Variants in PYHIN1 observed in about 807,000 individuals in gnomAD.
PYHIN1 encodes the protein pyrin and HIN domain family member 1, also known as pyrin and HIN domain-containing protein 1.
In PYHIN1, 32 loss-of-function variants were observed where a neutral mutation model predicts 43.7. The observed-to-expected ratio is 0.73, with a 90% CI of 0.55 to 0.98. PYHIN1 has a LOEUF of 0.98. Ranked by LOEUF, PYHIN1 falls within the 50% of genes least tolerant of loss-of-function variation. The probability of loss-of-function intolerance (pLI) is 0.00; values close to 1 mark genes in which losing one functional copy is unlikely to be tolerated. For missense variants in PYHIN1, 588 were observed against 589.5 expected, an observed-to-expected ratio of 1.00 and a Z score of 0.03; for synonymous variants, 205 against 203.1, an observed-to-expected ratio of 1.01 and a Z score of -0.08.
At chr1:158,940,291 T>A (rs1648836257) in intron 4 of PYHIN1, 1 of 147,960 alleles carries the variant, frequency 6.8e-6, no homozygotes, top group Admixed American at 6.7e-5. Flanking sequence ...CCACTACAGC[T>A]AAGCAAATGA....
At chr1:158,989,649 G>A in the PYHIN1 span, among the ~76,000 whole-genome samples, 1 of 152,126 alleles carries the variant, frequency 6.6e-6, no homozygotes, top group African/African-American at 2.4e-5. Context: ...ACCACCAAAA[G>A]CTAGGGAAGA....
intron 5 of PYHIN1, among the ~76,000 whole-genome samples, chr1:158,943,414 G>C (rs1649042358): frequency 6.6e-6 from 1 of 152,178 alleles, no homozygotes; most frequent in Admixed American, 6.5e-5. Flanking sequence ...CATAGTGAAT[G>C]ATGAGTTGTG....
intron 1 of PYHIN1, among the ~76,000 whole-genome samples, chr1:158,936,215 C>T (rs1019362651): frequency 4.6e-5 from 5 of 108,056 alleles, no homozygotes; most frequent in Non-Finnish European, 9.1e-5. Context: ...CCCCCCTCCC[C>T]CCACCCCACA....
chr1:158,936,330 G>A (rs113460160), intron 1 of PYHIN1, among the ~76,000 whole-genome samples: 3,557 of 150,098 alleles, frequency 0.024, 133 homozygotes, highest in African/African-American at 0.081. Context: ...TTGTCCTTGC[G>A]ATAGTTTGCT....
intron 7 of PYHIN1, among the ~76,000 whole-genome samples, chr1:158,956,995 T>C (rs1272882296): frequency 6.9e-5 from 10 of 145,726 alleles, no homozygotes; most frequent in South Asian, 2.3e-4. Context: ...GAGTGAACTC[T>C]CATTCACAAT....
At chr1:158,987,057 C>A in the PYHIN1 span, among the ~76,000 whole-genome samples, 1 of 152,184 alleles carries the variant, frequency 6.6e-6, no homozygotes, top group Non-Finnish European at 1.5e-5. Flanking sequence ...TTCTCAACAT[C>A]CTTACCAACA....
At chr1:158,953,652 A>T (rs1382032109) in intron 7 of PYHIN1, among the ~76,000 whole-genome samples, 2 of 152,194 alleles carry the variant, frequency 1.3e-5, no homozygotes, top group East Asian at 3.9e-4. Flanking sequence ...AGATGGGGAA[A>T]AAACAGAACA....
chr1:158,963,296 G>A (rs540721201), intron 7 of PYHIN1, among the ~76,000 whole-genome samples: 4 of 152,096 alleles, frequency 2.6e-5, no homozygotes, highest in South Asian at 2.1e-4. Context: ...TCACCAAACC[G>A]GGACCCTCTG....
At chr1:158,952,851 T>C (rs1649642286) in intron 7 of PYHIN1, among the ~76,000 whole-genome samples, 1 of 152,186 alleles carries the variant, frequency 6.6e-6, no homozygotes, top group South Asian at 2.1e-4. Flanking sequence ...ACCGAGTTCA[T>C]CTCACTAGGG....
intron 6 of PYHIN1, among the ~76,000 whole-genome samples, chr1:158,944,499 T>C (rs981795972): frequency 6.6e-6 from 1 of 152,150 alleles, no homozygotes; most frequent in African/African-American, 2.4e-5. Flanking sequence ...AAATGTTGCA[T>C]ACAAACATTA....
chr1:158,947,311 G>C (rs1418980020), intron 7 of PYHIN1, among the ~76,000 whole-genome samples: 2 of 152,102 alleles, frequency 1.3e-5, no homozygotes, highest in African/African-American at 4.8e-5. Flanking sequence ...AGATTGTGGG[G>C]ATATAGCCAG....
chr1:158,975,057 C>A (rs1629682), intron 8 of PYHIN1, among the ~76,000 whole-genome samples: 139,396 of 151,946 alleles, frequency 0.92, 65,162 homozygotes, highest in East Asian at 1. Flanking sequence ...TCCCTTAGCC[C>A]AGGAATCTCA....
At chr1:158,974,925 C>T (rs1651165113) in intron 8 of PYHIN1, among the ~76,000 whole-genome samples, 1 of 152,134 alleles carries the variant, frequency 6.6e-6, no homozygotes, top group South Asian at 2.1e-4. Flanking sequence ...TGGAAAAGAA[C>T]TTATTTTTCC....
At chr1:158,970,724 C>CAA (rs1650885794) in intron 7 of PYHIN1, among the ~76,000 whole-genome samples, 2 of 151,448 alleles carry the variant, frequency 1.3e-5, no homozygotes, top group East Asian at 1.9e-4. Context: ...ATAGAGCAAA[C>CAA]ACACAAACAC....
rs767179319 is a variant in PYHIN1, at chr1:158,942,287, C to T, written c.890C>T (p.Thr297Met). Residue 297 changes from threonine to methionine, a missense_variant, in exon 5 of 9, where the codon ACG (threonine) becomes ATG (methionine). Thr to Met is a moderately conservative substitution (Grantham distance 81). Coordinates refer to ENST00000368140, the MANE Select transcript of PYHIN1 (RefSeq NM_152501.5). ...SSVSEAGPDQ[T>M]FEVPKDIIRR... is the part of the protein sequence containing the mutation. ...GTATCTGAAGCTGGTCCTGACCAAA[C>T]GTTTGAGGTTCCAAAGGACATCATC... 14 of 1,614,018 alleles carry T rather than the reference C, an allele frequency of 8.7e-6. No individual in the cohort carries two copies. Among genetic ancestry groups the T allele is most frequent in the Admixed American group, 3.3e-5 (2 of 60,006 alleles).
intron 7 of PYHIN1, among the ~76,000 whole-genome samples, chr1:158,958,150 T>C (rs1650075598): frequency 6.6e-6 from 1 of 151,126 alleles, no homozygotes; most frequent in African/African-American, 2.4e-5. Context: ...ACTTTTACAC[T>C]GTTGGTGGGA....
the PYHIN1 span, among the ~76,000 whole-genome samples, chr1:158,988,184 T>C: frequency 3.3e-5 from 5 of 152,188 alleles, no homozygotes; most frequent in Non-Finnish European, 7.3e-5. Context: ...TGGTATTTTC[T>C]TTTAGAGGCC....
At chr1:158,970,267 GT>G (rs1481802820) in intron 7 of PYHIN1, among the ~76,000 whole-genome samples, 2 of 151,962 alleles carry the variant, frequency 1.3e-5, no homozygotes, top group Admixed American at 1.3e-4. Flanking sequence ...TAATGAAAAT[GT>G]TTTTGTTTAT....
Position 158,938,426 on chromosome 1 carries a change from A to G in PYHIN1, c.295A>G (p.Lys99Glu). Residue 99 changes from lysine (K) to glutamate (E), a missense_variant, in exon 3 of 9, where the codon AAA (lysine) becomes GAA (glutamate). Transcript: ENST00000368140. Reference protein sequence around the residue: ...VANKIESIPVKGIIPSKKTKQ... With the variant: ...VANKIESIPVEGIIPSKKTKQ... The stretch of plus-strand genomic sequence containing the variant: ...AAATAAAATTGAATCCATTCCAGTC[A>G]AAGGAATAATCCCATCTAAAAAGAC... 1 of 1,614,224 alleles carries G rather than the reference A, an allele frequency of 6.2e-7. No individual in the cohort carries two copies. The highest frequency in any genetic ancestry group is 8.5e-7 in the Non-Finnish European group (1 of 1,180,024).
Sources: allele counts gnomAD v4.1 joint callset (sites outside exome capture counted in the v4.1 genomes callset), GRCh38; gene constraint gnomAD v4.1.1; transcripts MANE v1.5; gene names NCBI Gene and HGNC (gene_info 2026-07-23, HGNC 2026-07-21).